The following BCAR1 variants were observed in gnomAD, a reference collection of about 807,000 sequenced individuals.
The protein encoded by BCAR1 is BCAR1 scaffold protein, Cas family member, also known as breast cancer anti-estrogen resistance protein 1.
Under a neutral mutation model 67.6 loss-of-function variants are expected in BCAR1, and 30 were observed. The observed-to-expected ratio is 0.44, with a 90% confidence interval of 0.33 to 0.60. The LOEUF is 0.60. Ranked by LOEUF, BCAR1 falls within the 20% of genes least tolerant of loss-of-function variation. The pLI is 0.02. For synonymous variants in BCAR1, 626 were observed against 556.7 expected, an observed-to-expected ratio of 1.12 and a Z score of -1.75; for missense variants, 1,313 against 1,222.3, an observed-to-expected ratio of 1.07 and a Z score of -1.11.
At chr16:75,243,508 A>G (rs1358671450) in intron 1 of BCAR1, 3 of 523,384 alleles carry the variant, frequency 5.7e-6, no homozygotes, top group African/African-American at 3.8e-5. Flanking sequence ...ATAATCTGAC[A>G]AAAAGAACAG....
chr16:75,246,809 A>G (rs2077536073), intron 1 of BCAR1: 1 of 152,406 alleles, frequency 6.6e-6, no homozygotes, highest in East Asian at 1.9e-4. Context: ...AGCCTCCCCA[A>G]GCCTACTTTC....
At chr16:75,237,113 T>G (rs1043810349) in intron 3 of BCAR1, 70 bp downstream of exon 3, 1 of 1,504,390 alleles carries the variant, frequency 6.6e-7, no homozygotes, top group Non-Finnish European at 8.9e-7. Flanking sequence ...GATGCAGCTC[T>G]CGGCCCAGGG....
At chr16:75,253,309 T>C (rs2077714147), upstream of BCAR1, among the ~76,000 whole-genome samples, 1 of 152,188 alleles carries the variant, frequency 6.6e-6, no homozygotes, top group Non-Finnish European at 1.5e-5. Context: ...CCTGAGGTCA[T>C]CCCTGGGCCT....
At chr16:75,253,036 G>T (rs960623251), upstream of BCAR1, among the ~76,000 whole-genome samples, 21 of 152,216 alleles carry the variant, frequency 1.4e-4, no homozygotes, top group Admixed American at 1.0e-3. Context: ...AAGGAGCAGT[G>T]GGATGAGACA....
Position 75,265,446 on chromosome 16 carries a change from C to G in BCAR1, c.66+2469G>C, listed in dbSNP as rs540557457. 2.4e-3 allele frequency among the ~76,000 whole-genome samples: 360 copies of G among 152,278 alleles called. 2 individuals are homozygous for G. Among genetic ancestry groups the G allele is most frequent in the African/African-American group, 8.3e-3 (346 of 41,564 alleles). ...GGGGAGTCGCGGGAGCGGCAGAGACCCCTCCCCGCTAGGCCTAGCCGTCCT... is the reference window on the plus strand; with the variant it reads ...GGGGAGTCGCGGGAGCGGCAGAGACGCCTCCCCGCTAGGCCTAGCCGTCCT... On this transcript the variant is annotated intron_variant, in intron 1 of 6. Transcript: ENST00000393422.
At chr16:75,266,833 C>T in intron 1 of BCAR1, 1 of 1,290,720 alleles carries the variant, frequency 7.7e-7, no homozygotes, top group Non-Finnish European at 1.0e-6. Flanking sequence ...CAGCGCTGCC[C>T]ACCCCAGGGA....
At position 75,237,313 on chromosome 16, in the gene BCAR1, T is replaced by G; in HGVS notation, c.665A>C (p.Tyr222Ser). ...VVVPTRVGQG[Y>S]VYEAAQPEQD... ...CTCCGGCTGGGCGGCCTCGTATACA[T>G]AGCCCTGCCCCACGCGGGTGGGCAC... is the stretch of plus-strand genomic sequence containing the variant. Residue 222 changes from tyrosine (Y) to serine (S), a missense_variant, in exon 3 of 7, where the codon TAT becomes TCT. By Grantham distance (144) the Tyr-to-Ser change is moderately radical. Coordinates refer to ENST00000162330, the MANE Select transcript of BCAR1 (RefSeq NM_014567.5). The G allele has an allele frequency of 6.6e-7, 1 of 1,510,538 alleles. No homozygotes were observed. The highest frequency in any genetic ancestry group is 1.4e-5 in the African/African-American group (1 of 70,764). 93.6% of individuals were successfully genotyped at this position (1,510,538 alleles called of 1,614,324 possible).
At chr16:75,234,708 G>A (rs1474795823) in intron 5 of BCAR1, among the ~76,000 whole-genome samples, 181 bp downstream of exon 5, 2 of 152,242 alleles carry the variant, frequency 1.3e-5, no homozygotes, top group Non-Finnish European at 2.9e-5. Context: ...GGGACTCAAC[G>A]AAGGGCTCGA....
At chr16:75,232,034 A>T (rs2076916780) in intron 6 of BCAR1, among the ~76,000 whole-genome samples, 1 of 151,692 alleles carries the variant, frequency 6.6e-6, no homozygotes, top group South Asian at 2.1e-4. Context: ...GGCATGTGCC[A>T]CCATGCCCAG....
chr16:75,256,961 C>T (rs1486883691), intron 1 of BCAR1, among the ~76,000 whole-genome samples: 2 of 152,198 alleles, frequency 1.3e-5, no homozygotes, highest in African/African-American at 2.4e-5. Flanking sequence ...ACCACCAGGT[C>T]CTCCTCCTGA....
intron 1 of BCAR1, among the ~76,000 whole-genome samples, chr16:75,261,113 C>T (rs572273263): frequency 8.4e-4 from 128 of 152,372 alleles, no homozygotes; most frequent in Non-Finnish European, 1.3e-3. Context: ...ATCCCTTCCA[C>T]ACTTCTGCCG....
At chr16:75,250,690 T>G (rs2077652551) in intron 1 of BCAR1, 6 of 985,486 alleles carry the variant, frequency 6.1e-6, no homozygotes, top group Non-Finnish European at 7.2e-6. Context: ...GATCAGCCTC[T>G]CGGACCCTCG....
intron 1 of BCAR1, chr16:75,266,139 C>A: frequency 1.7e-5 from 11 of 629,382 alleles, no homozygotes; most frequent in Non-Finnish European, 2.2e-5. Flanking sequence ...CCTCGCCGAT[C>A]CCTCGCGGGC....
At chr16:75,260,102 G>A (rs1223272375) in intron 1 of BCAR1, among the ~76,000 whole-genome samples, 1 of 152,034 alleles carries the variant, frequency 6.6e-6, no homozygotes, top group East Asian at 1.9e-4. Flanking sequence ...ACTGAGGCAG[G>A]AGAATCACTT....
chr16:75,236,643 T>C, intron 4 of BCAR1: 3 of 695,188 alleles, frequency 4.3e-6, no homozygotes, highest in Middle Eastern at 4.2e-4. Flanking sequence ...ACCTTGCGGA[T>C]ACCCTCTCAG....
In BCAR1 at chr16:75,229,909, A is replaced by G. The variant is rs1174218353; in HGVS notation, c.2215T>C (p.Ser739Pro). ...TAGAAGAGCAGCAGCTGCCGGTCCG[A>G]GGGCCCCAGGCCGCCTGTTCGCCCC... The part of the protein sequence containing the change: ...APGRTGGLGP[S>P]DRQLLLFYLE... The change falls in exon 7 of 7, where the codon TCG (serine) becomes CCG (proline). Residue 739 changes from serine (S) to proline (P), a missense_variant. Ser to Pro is a moderately conservative substitution (Grantham distance 74). Around this residue, in one of 2 missense-constraint regions of BCAR1, gnomAD observed 1,272 missense variants for 1,137.5 expected, o/e 1.12. Transcript: ENST00000162330. 6.2e-7 allele frequency: 1 copy of G among 1,609,612 alleles called. No individual in the cohort carries two copies. Among genetic ancestry groups the G allele is most frequent in the East Asian group, 2.2e-5 (1 of 44,730 alleles).
upstream of BCAR1, chr16:75,252,548 G>T: frequency 1.3e-6 from 1 of 747,952 alleles, no homozygotes; most frequent in Non-Finnish European, 2.0e-6. Context: ...CCCTGGGCCA[G>T]GCCAGGGAGG....
chr16:75,248,103 C>A (rs750927276), intron 1 of BCAR1: 1 of 1,597,666 alleles, frequency 6.3e-7, no homozygotes, highest in Non-Finnish European at 8.5e-7. Context: ...CCCTGACAGC[C>A]CAGGGTCACT....
chr16:75,254,127 C>A (rs887626001), upstream of BCAR1, among the ~76,000 whole-genome samples: 2 of 152,104 alleles, frequency 1.3e-5, no homozygotes, highest in African/African-American at 2.4e-5. Flanking sequence ...ATGAAGAGAC[C>A]GAGACCCAGT....
Sources: allele counts gnomAD v4.1 joint callset (sites outside exome capture counted in the v4.1 genomes callset), GRCh38; gene constraint gnomAD v4.1.1; regional missense constraint gnomAD v4.1.1; transcripts MANE v1.5; gene names NCBI Gene and HGNC (gene_info 2026-07-23, HGNC 2026-07-21).